The following ALDH2 variants were observed in gnomAD, a reference collection of about 807,000 sequenced individuals.
ALDH2 encodes the protein aldehyde dehydrogenase 2 family member.
In ALDH2, 44 loss-of-function variants were observed where a neutral mutation model predicts 59.6. The ratio of observed to expected loss-of-function variants is 0.74; its 90% confidence interval spans 0.58 to 0.95. The LOEUF (loss-of-function observed/expected upper bound fraction) is 0.95, where lower values mean the gene tolerates loss of function less well. Ranked by LOEUF, ALDH2 falls within the 40% of genes least tolerant of loss-of-function variation. The pLI, the probability that ALDH2 is intolerant of heterozygous loss-of-function variation, is 0.00. For missense variants in ALDH2, 570 were observed against 696.3 expected (o/e 0.82, Z 2.04); for synonymous variants, 291 against 284.0 (o/e 1.02, Z -0.25).
rs1173176654 is a variant in ALDH2, at chr12:111,813,247, G to A, written c.*3672G>A. ...CTGCTTCTGGGTAGAGCCTCCACTT[G>A]TGGCTGCACAGAGGGCACAGAGAGC... On this transcript the variant is annotated 3_prime_UTR_variant, in exon 13 of 13. Coordinates refer to ENST00000261733, the MANE Select transcript of ALDH2 (RefSeq NM_000690.4). 2.0e-5 allele frequency: 3 copies of A among 152,218 alleles called. No homozygotes were observed. In the East Asian group the frequency reaches 5.8e-4, roughly 29 times the overall value. The allele number at this position is 152,218 out of a possible 1,614,324, so 9.4% of individuals were successfully genotyped here.
intron 4 of ALDH2, among the ~76,000 whole-genome samples, chr12:111,786,858 T>G (rs2068314183): frequency 6.6e-6 from 1 of 151,898 alleles, no homozygotes; most frequent in South Asian, 2.1e-4. Context: ...ACATAAACAT[T>G]TCAATGACCA....
At chr12:111,781,069 A>T (rs929779034) in intron 1 of ALDH2, among the ~76,000 whole-genome samples, 2 of 152,096 alleles carry the variant, frequency 1.3e-5, no homozygotes, top group South Asian at 2.1e-4. Flanking sequence ...TGATCACGCC[A>T]CTGCACTCCA....
chr12:111,775,943 G>A (rs530821593), intron 1 of ALDH2, among the ~76,000 whole-genome samples: 8 of 152,334 alleles, frequency 5.3e-5, no homozygotes, highest in Non-Finnish European at 7.3e-5. Context: ...GGTTTCCAGC[G>A]TCCTACAGCA....
At chr12:111,805,893 C>T (rs1425450940) in intron 12 of ALDH2, among the ~76,000 whole-genome samples, 1 of 151,382 alleles carries the variant, frequency 6.6e-6, no homozygotes, top group Non-Finnish European at 1.5e-5. Context: ...CGTGGCGGCA[C>T]ATGCCTGTAG....
At chr12:111,805,797 G>A (rs1460242507) in intron 12 of ALDH2, among the ~76,000 whole-genome samples, 3 of 152,082 alleles carry the variant, frequency 2.0e-5, no homozygotes, top group Non-Finnish European at 4.4e-5. Flanking sequence ...GGCTGAGGTG[G>A]GTGGATCACA....
chr12:111,792,213 C>T (rs12830829), intron 8 of ALDH2, 50 bp downstream of exon 8: 7 of 1,400,664 alleles, frequency 5.0e-6, no homozygotes, highest in Non-Finnish European at 6.9e-6. Flanking sequence ...CCCTGGCCAC[C>T]TGTGTTGTGG....
chr12:111,780,849 A>AT (rs2068266221), intron 1 of ALDH2, among the ~76,000 whole-genome samples: 1 of 152,172 alleles, frequency 6.6e-6, no homozygotes, highest in African/African-American at 2.4e-5. Flanking sequence ...AGGGCTGGGC[A>AT]TGGTGACTCA....
At chr12:111,798,033 G>A (rs758344748) in intron 9 of ALDH2, 45 bp from the exon 10 acceptor site, 1 of 1,611,162 alleles carries the variant, frequency 6.2e-7, no homozygotes, top group Non-Finnish European at 8.5e-7. Flanking sequence ...CCTAGGAGAG[G>A]TCTGAATCCG....
In ALDH2 at chr12:111,792,082, G is replaced by A. The variant is rs1181566700; in HGVS notation, c.817G>A (p.Ala273Thr). Reference protein sequence around the residue: ...STEIGRVIQVAAGSSNLKRVT... With the variant: ...STEIGRVIQVTAGSSNLKRVT... Reference sequence around the variant, plus strand: ...ACAGATTGGCCGCGTAATCCAGGTTGCTGCTGGGAGCAGCAACCTCAAGAG... The same window carrying A: ...ACAGATTGGCCGCGTAATCCAGGTTACTGCTGGGAGCAGCAACCTCAAGAG... The change falls in exon 8 of 13, where the codon GCT becomes ACT. Residue 273 changes from alanine (A) to threonine (T), a missense_variant. Physicochemically the swap from Ala to Thr is moderately conservative, Grantham distance 58. Coordinates refer to ENST00000261733, the MANE Select transcript of ALDH2 (RefSeq NM_000690.4). The A allele has an allele frequency of 1.9e-6, 3 of 1,610,744 alleles. No individual in the cohort carries two copies. In the African/African-American group the frequency reaches 4.0e-5, roughly 22 times the overall value.
At chr12:111,772,660 C>A (rs1234708535) in intron 1 of ALDH2, among the ~76,000 whole-genome samples, 1 of 145,684 alleles carries the variant, frequency 6.9e-6, no homozygotes. Context: ...TGCACCTGGC[C>A]TCTTTTTTTT....
At chr12:111,771,734 C>T (rs1440411739) in intron 1 of ALDH2, among the ~76,000 whole-genome samples, 1 of 152,196 alleles carries the variant, frequency 6.6e-6, no homozygotes, top group Non-Finnish European at 1.5e-5. Context: ...AGGGTGGTTA[C>T]TGCCTGAGTG....
chr12:111,801,251 A>C (rs1035508276), intron 11 of ALDH2, among the ~76,000 whole-genome samples: 8 of 152,210 alleles, frequency 5.3e-5, no homozygotes, highest in Non-Finnish European at 1.2e-4. Context: ...TAGCATGGGA[A>C]AGACCTGGCC....
intron 4 of ALDH2, among the ~76,000 whole-genome samples, chr12:111,788,744 G>A (rs993538227): frequency 6.6e-6 from 1 of 152,136 alleles, no homozygotes; most frequent in African/African-American, 2.4e-5. Flanking sequence ...GCTCGAGCCT[G>A]TAATCCCAGC....
intron 1 of ALDH2, among the ~76,000 whole-genome samples, chr12:111,778,867 CT>C (rs1219117978): frequency 1.2e-3 from 173 of 141,454 alleles, no homozygotes; most frequent in Admixed American, 1.3e-3. Context: ...CGTCCAGATT[CT>C]TTTTTTTTTT....
intron 12 of ALDH2, among the ~76,000 whole-genome samples, chr12:111,809,200 TCTTAGCA>T (rs1678072662): frequency 6.6e-6 from 1 of 152,164 alleles, no homozygotes; most frequent in East Asian, 1.9e-4. Context: ...ACGCCTGTAA[TCTTAGCA>T]CTTTGGGAGG....
intron 1 of ALDH2, among the ~76,000 whole-genome samples, chr12:111,778,835 GA>G (rs766411401): frequency 0.052 from 6,771 of 130,626 alleles, 505 homozygotes; most frequent in African/African-American, 0.17. Flanking sequence ...TCTGTCTCAG[GA>G]AAAAAAAAAA....
chr12:111,772,765 T>C (rs1411563111), intron 1 of ALDH2, among the ~76,000 whole-genome samples: 1 of 150,036 alleles, frequency 6.7e-6, no homozygotes, highest in Non-Finnish European at 1.5e-5. Flanking sequence ...CCTCAAACTC[T>C]TGGGCTGAAG....
intron 12 of ALDH2, among the ~76,000 whole-genome samples, chr12:111,806,215 G>T (rs1210724180): frequency 4.6e-5 from 7 of 151,612 alleles, no homozygotes; most frequent in African/African-American, 1.7e-4. Flanking sequence ...TACTCAGGAG[G>T]CTGAGGCGGA....
rs751006312 is a variant in ALDH2, at chr12:111,783,265, C to A, written c.327C>A (p.Ala109=). Residue 109 remains alanine (A), a synonymous_variant, in exon 3 of 13, where the codon GCC becomes GCA. Transcript: ENST00000261733. ...GGGGCCGGCTGCTGAACCGCCTGGC[C>A]GATCTGATCGAGCGGGACCGGACCT... ...SHRGRLLNRL[A]DLIERDRTYL... is the part of the protein sequence containing the mutation. The A allele has an allele frequency of 6.2e-7, 1 of 1,612,518 alleles. No homozygotes were observed. The highest frequency in any genetic ancestry group is 1.1e-5 in the South Asian group (1 of 90,728).
Sources: gnomAD v4.1 joint callset for allele counts (sites outside exome capture counted in the v4.1 genomes callset) on GRCh38, gnomAD v4.1.1 for gene constraint, MANE v1.5 for transcripts, NCBI Gene and HGNC (gene_info 2026-07-23, HGNC 2026-07-21) for gene names.